Variants in C10orf90 observed in about 807,000 individuals in gnomAD.
C10orf90 encodes the protein (E2-independent) E3 ubiquitin-conjugating enzyme FATS.
Under a neutral mutation model 62.5 loss-of-function variants are expected in C10orf90, and 56 were observed. The observed-to-expected ratio is 0.90, with a 90% CI of 0.72 to 1.12. C10orf90 has a LOEUF of 1.12. Among genes scored for constraint, C10orf90 ranks in the 50% most tolerant of loss-of-function variants. The probability of loss-of-function intolerance (pLI) is 0.00; values close to 1 mark genes in which losing one functional copy is unlikely to be tolerated. For missense variants in C10orf90, 970 were observed against 880.4 expected, an observed-to-expected ratio of 1.10 and a Z score of -1.29; for synonymous variants, 386 against 340.4, an observed-to-expected ratio of 1.13 and a Z score of -1.47.
intron 1 of C10orf90, among the ~76,000 whole-genome samples, chr10:126,648,848 G>T (rs1207991265): frequency 6.6e-6 from 1 of 152,140 alleles, no homozygotes; most frequent in Non-Finnish European, 1.5e-5. Context: ...TATTTTTAAT[G>T]TAACTCTATC....
intron 2 of C10orf90, among the ~76,000 whole-genome samples, chr10:126,550,556 T>G (rs1030562712): frequency 3.3e-5 from 5 of 151,908 alleles, no homozygotes; most frequent in Non-Finnish European, 7.4e-5. Flanking sequence ...GTCGCCCAGG[T>G]TAGAGTGCAG....
rs1860030390 is a variant in C10orf90 at position 126,462,191 on chromosome 10, TTAA to T, written c.1826-609_1826-607del. 2.0e-5 allele frequency among the ~76,000 whole-genome samples: 3 copies of T among 152,180 alleles called. No individual in the cohort carries two copies. The South Asian group carries it at 6.2e-4, about 32-fold the overall frequency. On this transcript the variant is annotated intron_variant, in intron 5 of 9. Coordinates refer to ENST00000488181, the MANE Select transcript of C10orf90 (RefSeq NM_001350921.2). ...AAGACAGTTTCTGATGGATTGGGGA[TTAA>T]TGAGTATTCACTGGGCACTTACTGG...
At chr10:126,531,457 G>GCCTTA in intron 2 of C10orf90, among the ~76,000 whole-genome samples, 2 of 152,264 alleles carry the variant, frequency 1.3e-5, no homozygotes, top group Admixed American at 1.3e-4. Context: ...GAGAAACCCT[G>GCCTTA]ACATAGACAC....
intron 2 of C10orf90, among the ~76,000 whole-genome samples, chr10:126,566,590 G>A (rs1257399668): frequency 6.6e-6 from 1 of 152,174 alleles, no homozygotes; most frequent in Non-Finnish European, 1.5e-5. Context: ...AAGGCAAAGG[G>A]TATTCCAAGG....
Position 126,429,803 on chromosome 10 carries a change from G to A in C10orf90, c.2236C>T (p.His746Tyr). The stretch of plus-strand genomic sequence containing the variant: ...ACCAAGTACCTCTTAGATCGCATAT[G>A]CATCTCCTTCTCTGAAATGCACCGT... ...KERCISEKEM[H>Y]MRSKRIYDNL... The change falls in exon 8 of 10, where the codon CAT (histidine) becomes TAT (tyrosine). Residue 746 changes from histidine (H) to tyrosine (Y), a missense_variant. His to Tyr is a moderately conservative substitution (Grantham distance 83). Transcript: ENST00000488181. 1 of 1,614,006 alleles carries A rather than the reference G, an allele frequency of 6.2e-7. No individual in the cohort carries two copies. The highest frequency in any genetic ancestry group is 1.1e-5 in the South Asian group (1 of 91,066).
chr10:126,623,584 G>A (rs1010059065), intron 2 of C10orf90, among the ~76,000 whole-genome samples: 2 of 152,068 alleles, frequency 1.3e-5, no homozygotes, highest in Non-Finnish European at 2.9e-5. Context: ...ACTCATGCCT[G>A]TAATCCCAGC....
chr10:126,428,642 G>T (rs1857395541), intron 8 of C10orf90, among the ~76,000 whole-genome samples: 1 of 146,152 alleles, frequency 6.8e-6, no homozygotes, highest in Admixed American at 6.9e-5. Flanking sequence ...TACTCACGCT[G>T]CTTTGAGATC....
At chr10:126,564,151 G>A (rs988949300) in intron 2 of C10orf90, among the ~76,000 whole-genome samples, 28 of 152,080 alleles carry the variant, frequency 1.8e-4, no homozygotes, top group African/African-American at 6.0e-4. Flanking sequence ...TAGACCACAG[G>A]CCCTGTAGAT....
chr10:126,626,996 T>TTTTC (rs1329777442), intron 2 of C10orf90, among the ~76,000 whole-genome samples: 2 of 109,164 alleles, frequency 1.8e-5, no homozygotes, highest in South Asian at 6.7e-4. Context: ...TTTCTTTTTC[T>TTTTC]TTTCTTTTTT....
At chr10:126,524,028 T>A (rs1039387215) in intron 2 of C10orf90, among the ~76,000 whole-genome samples, 53 of 152,228 alleles carry the variant, frequency 3.5e-4, no homozygotes, top group Admixed American at 1.3e-4. Flanking sequence ...ATGAACATGG[T>A]TGTACAAACA....
In C10orf90 at chr10:126,670,262, C is replaced by T. The variant is rs759303788; in HGVS notation, c.219G>A (p.Glu73=). The T allele has an allele frequency of 1.3e-5, 6 of 456,696 alleles. No individual in the cohort carries two copies. Among genetic ancestry groups the T allele is most frequent in the South Asian group, 9.3e-5 (6 of 64,564 alleles). The allele number at this position is 456,696 out of a possible 1,614,324, so 28.3% of individuals were successfully genotyped here. ...ATACCTCATATCTGCTGGCTGTCTG[C>T]TCAGCCGTCTTCAAGCCTTGACACA... ...IHMCQGLKTA[E]QTASRYEIHS... is the part of the protein sequence containing the mutation. Residue 73 remains glutamate, a synonymous_variant, in exon 1 of 10, where the codon GAG becomes GAA. Transcript: ENST00000488181.
intron 1 of C10orf90, among the ~76,000 whole-genome samples, chr10:126,653,553 T>C (rs766232962): frequency 3.1e-4 from 47 of 152,212 alleles, no homozygotes; most frequent in Non-Finnish European, 5.4e-4. Context: ...TCAAGATCTC[T>C]TGCTATTTCT....
intron 2 of C10orf90, among the ~76,000 whole-genome samples, chr10:126,547,119 A>G (rs1352692977): frequency 6.6e-6 from 1 of 150,888 alleles, no homozygotes; most frequent in East Asian, 2.0e-4. Context: ...CAACCACAAC[A>G]ACAAAAACAA....
At chr10:126,644,501 AC>A in intron 2 of C10orf90, among the ~76,000 whole-genome samples, 1 of 152,328 alleles carries the variant, frequency 6.6e-6, no homozygotes, top group African/African-American at 2.4e-5. Flanking sequence ...AAGGTTTAGG[AC>A]TGCCTTCAAG....
At chr10:126,655,822 G>GACAAA (rs1564911846) in intron 1 of C10orf90, among the ~76,000 whole-genome samples, 2 of 112,722 alleles carry the variant, frequency 1.8e-5, no homozygotes, top group South Asian at 2.8e-4. Flanking sequence ...AAGCAACAGA[G>GACAAA]ACAAAACAAA....
chr10:126,624,542 T>G (rs1845707043), intron 2 of C10orf90, among the ~76,000 whole-genome samples: 1 of 152,168 alleles, frequency 6.6e-6, no homozygotes, highest in African/African-American at 2.4e-5. Flanking sequence ...GAACCAGACT[T>G]GGAACTTAGC....
intron 1 of C10orf90, among the ~76,000 whole-genome samples, chr10:126,666,232 T>A (rs1846624635): frequency 6.6e-6 from 1 of 152,136 alleles, no homozygotes; most frequent in African/African-American, 2.4e-5. Flanking sequence ...TTCCCCAAGG[T>A]TGTCACAACC....
chr10:126,642,415 C>T (rs1424574936), intron 2 of C10orf90, among the ~76,000 whole-genome samples: 1 of 152,096 alleles, frequency 6.6e-6, no homozygotes, highest in African/African-American at 2.4e-5. Flanking sequence ...GCCTGTAGTC[C>T]CAGCTACTCG....
chr10:126,625,890 G>A (rs1186136661), intron 2 of C10orf90, among the ~76,000 whole-genome samples: 2 of 152,078 alleles, frequency 1.3e-5, no homozygotes, highest in Admixed American at 6.5e-5. Context: ...CGAGGTGGCA[G>A]GATGACTTGA....
Sources: allele counts gnomAD v4.1 joint callset (sites outside exome capture counted in the v4.1 genomes callset), GRCh38; gene constraint gnomAD v4.1.1; transcripts MANE v1.5; gene names NCBI Gene and HGNC (gene_info 2026-07-23, HGNC 2026-07-21).